Variants in ARHGAP21 observed in about 807,000 individuals in gnomAD.
ARHGAP21 encodes Rho GTPase activating protein 21.
ARHGAP21 carries 38 observed loss-of-function variants against 164.6 expected under a neutral mutation model. That is an observed-to-expected ratio of 0.23 (90% CI 0.18 to 0.30). ARHGAP21 has a LOEUF of 0.30. Ranked by LOEUF, ARHGAP21 falls within the 10% of genes least tolerant of loss-of-function variation. The pLI is 1.00. For missense variants in ARHGAP21, 1,822 were observed against 2,370.7 expected (o/e 0.77, Z 4.81); for synonymous variants, 766 against 857.9 (o/e 0.89, Z 1.87).
intron 4 of ARHGAP21, among the ~76,000 whole-genome samples, chr10:24,649,512 G>A (rs140976034): frequency 2.0e-5 from 3 of 152,244 alleles, no homozygotes; most frequent in African/African-American, 2.4e-5. Context: ...AGAAAAAAAG[G>A]AAGGGGAAAG....
At chr10:24,634,511 C>CT (rs1325037687) in intron 5 of ARHGAP21, among the ~76,000 whole-genome samples, 5 of 152,160 alleles carry the variant, frequency 3.3e-5, no homozygotes, top group Non-Finnish European at 7.3e-5. Flanking sequence ...CAAACAGCTA[C>CT]TATATCCAGC....
intron 2 of ARHGAP21, among the ~76,000 whole-genome samples, chr10:24,707,307 A>C (rs1844335351): frequency 6.6e-6 from 1 of 152,212 alleles, no homozygotes; most frequent in Admixed American, 6.5e-5. Context: ...TTTAATCTGA[A>C]ATAACATCTG....
chr10:24,703,054 T>G (rs1490172379), intron 2 of ARHGAP21, among the ~76,000 whole-genome samples: 2 of 152,152 alleles, frequency 1.3e-5, no homozygotes, highest in Non-Finnish European at 2.9e-5. Context: ...CTATATTATA[T>G]AGGCATTGAA....
intron 5 of ARHGAP21, 114 bp downstream of exon 5, chr10:24,634,896 GA>G: frequency 4.2e-6 from 3 of 717,052 alleles, no homozygotes; most frequent in Non-Finnish European, 6.4e-6. Flanking sequence ...AGATGTGAAG[GA>G]AAAGGAAGAA....
At chr10:24,641,446 C>G (rs1333781344) in intron 4 of ARHGAP21, among the ~76,000 whole-genome samples, 2 of 152,118 alleles carry the variant, frequency 1.3e-5, no homozygotes, top group Non-Finnish European at 2.9e-5. Context: ...ATCTGCAGAT[C>G]CAGCAATTAC....
At chr10:24,603,795 C>T (rs569441394) in intron 12 of ARHGAP21, among the ~76,000 whole-genome samples, 1 of 152,094 alleles carries the variant, frequency 6.6e-6, no homozygotes, top group East Asian at 1.9e-4. Context: ...GTCAGGAGTT[C>T]GAGACCAGCC....
chr10:24,592,104 A>G (rs570002645), intron 21 of ARHGAP21, 92 bp from the exon 22 acceptor site: 168 of 1,230,288 alleles, frequency 1.4e-4, no homozygotes, highest in Non-Finnish European at 1.2e-4. Context: ...GAAAAAGAAT[A>G]AACAGAAAAA....
chr10:24,586,911 G>A (rs756950606), intron 25 of ARHGAP21, among the ~76,000 whole-genome samples: 11 of 152,150 alleles, frequency 7.2e-5, no homozygotes, highest in East Asian at 1.9e-4. Context: ...ATGGTGGCAC[G>A]CACCTGTGGT....
In ARHGAP21 at chr10:24,607,704, G is replaced by C. The variant is rs766195830; in HGVS notation, c.2581+41C>G. 1.7e-5 allele frequency: 28 copies of C among 1,611,488 alleles called. 1 individual carries two copies. In the South Asian group the frequency reaches 3.0e-4, roughly 17 times the overall value. On this transcript the variant is annotated intron_variant, in intron 10 of 25. Coordinates refer to ENST00000396432, the MANE Select transcript of ARHGAP21 (RefSeq NM_020824.4). ...ATCATACTATTCTAAGTGGAAAACA[G>C]AGCATGAGATACGGTTTACAAAACC... is the stretch of plus-strand genomic sequence containing the variant.
chr10:24,628,983 T>TATATATATATATATA (rs58780222), intron 7 of ARHGAP21: 33 of 11,174 alleles, frequency 3.0e-3, no homozygotes, highest in African/African-American at 4.3e-3. Flanking sequence ...TATATATATA[T>TATATATATATATATA]TTTTTTTTTT....
At chr10:24,695,050 C>CAAAAAAAAAAAAAAAAAAAAAAAAAAAA (rs570457905) in intron 2 of ARHGAP21, among the ~76,000 whole-genome samples, 3 of 78,506 alleles carry the variant, frequency 3.8e-5, no homozygotes, top group Non-Finnish European at 7.1e-5. Context: ...AATTCCATCT[C>CAAAAAAAAAAAAAAAAAAAAAAAAAAAA]AAAAAAAAAA....
intron 2 of ARHGAP21, among the ~76,000 whole-genome samples, chr10:24,671,816 G>C (rs984942081): frequency 7.3e-5 from 11 of 151,152 alleles, no homozygotes; most frequent in African/African-American, 2.7e-4. Flanking sequence ...TGGATCACAG[G>C]GGCTCAGGAG....
At chr10:24,722,573 G>A (rs1299871507) in intron 1 of ARHGAP21, 2 of 152,486 alleles carry the variant, frequency 1.3e-5, no homozygotes, top group Non-Finnish European at 1.5e-5. Flanking sequence ...AGAGGGCTGT[G>A]CATGTTGTTT....
intron 5 of ARHGAP21, 34 bp from the exon 6 acceptor site, chr10:24,633,514 C>A: frequency 6.7e-7 from 1 of 1,487,902 alleles, no homozygotes; most frequent in Middle Eastern, 1.7e-4. Context: ...AATGAGAGAT[C>A]CTGCAGAAAG....
intron 2 of ARHGAP21, among the ~76,000 whole-genome samples, chr10:24,721,037 T>G (rs1246904787): frequency 2.6e-5 from 4 of 151,498 alleles, no homozygotes; most frequent in Non-Finnish European, 4.4e-5. Flanking sequence ...ATGCGTGTCA[T>G]AAATCAATGT....
chr10:24,686,977 A>T (rs1842272118), intron 2 of ARHGAP21, among the ~76,000 whole-genome samples: 1 of 152,206 alleles, frequency 6.6e-6, no homozygotes, highest in South Asian at 2.1e-4. Flanking sequence ...TGAGCCCAGA[A>T]GTTCACCTGC....
intron 4 of ARHGAP21, among the ~76,000 whole-genome samples, chr10:24,653,076 G>A (rs1216563340): frequency 6.6e-6 from 1 of 152,142 alleles, no homozygotes; most frequent in Non-Finnish European, 1.5e-5. Context: ...GCTTTATTGA[G>A]GTATAACATA....
At chr10:24,599,600 GC>G (rs1407289616) in intron 14 of ARHGAP21, among the ~76,000 whole-genome samples, 6 of 152,168 alleles carry the variant, frequency 3.9e-5, no homozygotes, top group Non-Finnish European at 5.9e-5. Flanking sequence ...AGAACTTCGT[GC>G]CCCTTTTTTG....
At chr10:24,656,131 C>T (rs542191453) in intron 4 of ARHGAP21, among the ~76,000 whole-genome samples, 13 of 142,822 alleles carry the variant, frequency 9.1e-5, no homozygotes, top group South Asian at 2.3e-4. Flanking sequence ...GGAGTGTCTC[C>T]GCCCGGCAGC....
Sources: gnomAD v4.1 joint callset for allele counts (sites outside exome capture counted in the v4.1 genomes callset) on GRCh38, gnomAD v4.1.1 for gene constraint, MANE v1.5 for transcripts, NCBI Gene and HGNC (gene_info 2026-07-23, HGNC 2026-07-21) for gene names.